The following TRPV1 variants were observed in gnomAD, a reference collection of about 807,000 sequenced individuals.
TRPV1 encodes transient receptor potential cation channel subfamily V member 1.
A neutral mutation model predicts 82.3 loss-of-function variants in TRPV1; 82 were observed. The observed-to-expected ratio is 1.00, with a 90% CI of 0.83 to 1.20. The LOEUF is 1.20. Ranked by LOEUF, TRPV1 falls within the 50% of genes most tolerant of loss-of-function variation. TRPV1 has a pLI of 0.00. For missense variants in TRPV1, 1,067 were observed against 1,096.8 expected (o/e 0.97, Z 0.38); for synonymous variants, 515 against 467.7 (o/e 1.10, Z -1.30).
In TRPV1 at chr17:3,577,154, G is replaced by T; in HGVS notation, c.1752C>A (p.Tyr584Ter). 6.3e-7 allele frequency: 1 copy of T among 1,588,606 alleles called. No individual in the cohort carries two copies. The highest frequency in any genetic ancestry group is 8.6e-7 in the Non-Finnish European group (1 of 1,167,880). The change falls in exon 13 of 17, where the codon TAC (tyrosine) becomes TAA (stop). Residue 584 changes from tyrosine to a stop codon, truncating the protein, a stop_gained. Transcript: ENST00000572705. LOFTEE classifies it high-confidence loss of function. ...LRDLCRFMFV[Y>*]IVFLFGFSTA... ...TGGAAAACCCGAACAAGAAGACGAT[G>T]TAGACAAACATGAAACGGCACAGGT...
At chr17:3,576,128 A>G (rs1369887989) in intron 13 of TRPV1, among the ~76,000 whole-genome samples, 1 of 151,940 alleles carries the variant, frequency 6.6e-6, no homozygotes, top group African/African-American at 2.4e-5. Flanking sequence ...AGGCTGAGGC[A>G]CAAGAATCAC....
chr17:3,600,728 T>G (rs1238303986), intron 2 of TRPV1, among the ~76,000 whole-genome samples: 2 of 152,212 alleles, frequency 1.3e-5, no homozygotes. Flanking sequence ...GCACAGTGCC[T>G]GCTCAGAGGC....
intron 8 of TRPV1, among the ~76,000 whole-genome samples, chr17:3,586,662 T>G (rs1213981156): frequency 1.3e-5 from 2 of 152,072 alleles, no homozygotes; most frequent in Non-Finnish European, 2.9e-5. Flanking sequence ...TCCCAGCTAC[T>G]TGGGAGGCTG....
intron 11 of TRPV1, chr17:3,578,691 A>G (rs2074966800): frequency 6.6e-6 from 1 of 152,222 alleles, no homozygotes; most frequent in Non-Finnish European, 1.5e-5. Flanking sequence ...AAAACAGAGG[A>G]AAAGAACCCA....
intron 11 of TRPV1, among the ~76,000 whole-genome samples, chr17:3,579,894 C>A (rs545934137): frequency 3.9e-5 from 6 of 152,276 alleles, no homozygotes; most frequent in African/African-American, 1.4e-4. Flanking sequence ...TTGGCCATAT[C>A]TGGAAATGTT....
intron 2 of TRPV1, among the ~76,000 whole-genome samples, chr17:3,603,984 T>G (rs905088314): frequency 1.3e-5 from 2 of 152,216 alleles, no homozygotes; most frequent in African/African-American, 4.8e-5. Context: ...GCACAGGCTC[T>G]CTCTTGACAC....
intron 2 of TRPV1, among the ~76,000 whole-genome samples, chr17:3,595,298 C>T (rs1000480863): frequency 2.0e-5 from 3 of 152,182 alleles, no homozygotes; most frequent in Admixed American, 6.5e-5. Flanking sequence ...GGCACGTCCC[C>T]GAGGTCACAC....
rs778498519 is a variant in TRPV1 at position 3,591,291 on chromosome 17, C to G, written c.347G>C (p.Arg116Thr). ...TEKTLRLYDR[R>T]SIFEAVAQNN... ...CTGAGCAACGGCTTCAAAGATACTC[C>G]TGCGATCATAGAGCCTGAGGGTCTT... is the stretch of plus-strand genomic sequence containing the variant. Residue 116 changes from arginine (R) to threonine (T), a missense_variant, in exon 4 of 17, where the codon AGG (arginine) becomes ACG (threonine). By Grantham distance (71) the Arg-to-Thr change is moderately conservative. Transcript: ENST00000572705. 6.2e-7 allele frequency: 1 copy of G among 1,612,922 alleles called. No individual in the cohort carries two copies. The highest frequency in any genetic ancestry group is 1.3e-5 in the African/African-American group (1 of 74,942).
chr17:3,605,040 G>T lies in TRPV1; in HGVS notation c.-34+3387C>A, dbSNP rs576334001. ...CACCAATTTGTCACACTCTGGACAT[G>T]ACGATCACTTTAATGTAAACACATT... On this transcript the variant is annotated intron_variant, in intron 2 of 16. Transcript: ENST00000572705. Among the ~76,000 whole-genome samples, 11 of 152,316 alleles carry T rather than the reference G, an allele frequency of 7.2e-5. No individual in the cohort carries two copies. In the East Asian group the frequency reaches 2.1e-3, roughly 29 times the overall value.
intron 16 of TRPV1, among the ~76,000 whole-genome samples, chr17:3,569,308 T>A (rs889218445): frequency 4.0e-5 from 6 of 151,508 alleles, no homozygotes; most frequent in African/African-American, 1.2e-4. Flanking sequence ...GCGCCTGTAG[T>A]CCCAGGTACT....
intron 9 of TRPV1, 87 bp from the exon 10 acceptor site, chr17:3,583,517 G>T: frequency 9.0e-7 from 1 of 1,106,462 alleles, no homozygotes; most frequent in Non-Finnish European, 1.3e-6. Context: ...CATAGTCCCT[G>T]CCCAGGAGGC....
intron 16 of TRPV1, among the ~76,000 whole-genome samples, chr17:3,568,859 C>T (rs756116261): frequency 6.6e-5 from 10 of 152,182 alleles, no homozygotes; most frequent in East Asian, 1.9e-4. Flanking sequence ...CTGGCCAACA[C>T]GGTGAAGCCC....
rs1390135658 is a variant in TRPV1 at position 3,588,341 on chromosome 17, C to G, written c.1071G>C (p.Glu357Asp). The change falls in exon 8 of 17, where the codon GAG (glutamate) becomes GAC (aspartate). Residue 357 changes from glutamate (E) to aspartate (D), a missense_variant. By Grantham distance (45) the Glu-to-Asp change is conservative (BLOSUM62 2). Transcript: ENST00000572705. Reference protein sequence around the residue: ...IGVLAYILQREIQEPECRHLS... With the variant: ...IGVLAYILQRDIQEPECRHLS... Reference sequence around the variant, plus strand: ...GGTGCCTGCACTCGGGCTCCTGGATCTCCCGCTGGAGAATATAGGCCAAGA... The same window carrying G: ...GGTGCCTGCACTCGGGCTCCTGGATGTCCCGCTGGAGAATATAGGCCAAGA... 4 of 1,561,824 alleles carry G rather than the reference C, an allele frequency of 2.6e-6. No individual in the cohort carries two copies. The highest frequency in any genetic ancestry group is 1.9e-5 in the Admixed American group (1 of 52,366).
intron 14 of TRPV1, 104 bp downstream of exon 14, chr17:3,573,529 A>ACCCCCCC: frequency 9.5e-5 from 2 of 20,996 alleles, no homozygotes; most frequent in Non-Finnish European, 1.1e-4. Context: ...CTGGCCACAC[A>ACCCCCCC]CCGCCCCCAC....
At chr17:3,594,127 CAAAAAAAAAAAA>C (rs57620622) in intron 2 of TRPV1, among the ~76,000 whole-genome samples, 2 of 46,482 alleles carry the variant, frequency 4.3e-5, no homozygotes, top group South Asian at 9.5e-4. Flanking sequence ...AACTCTGTCT[CAAAAAAAAAAAA>C]AAAAAAAAAA....
intron 2 of TRPV1, chr17:3,595,587 G>T (rs564432468): frequency 2.6e-5 from 4 of 152,376 alleles, no homozygotes; most frequent in Admixed American, 2.6e-4. Context: ...GGCTGTCCCA[G>T]GGATGTCTAT....
chr17:3,606,736 G>C (rs962916484), intron 2 of TRPV1, among the ~76,000 whole-genome samples: 3 of 152,140 alleles, frequency 2.0e-5, no homozygotes, highest in African/African-American at 7.2e-5. Flanking sequence ...TTGACAAACT[G>C]GGACCCTCCA....
chr17:3,607,071 G>A (rs1309675393), intron 2 of TRPV1, among the ~76,000 whole-genome samples: 1 of 152,192 alleles, frequency 6.6e-6, no homozygotes, highest in Non-Finnish European at 1.5e-5. Context: ...TAGCAGGCCA[G>A]GCATGGTGGC....
At chr17:3,608,913 A>T (rs1158044711) in intron 1 of TRPV1, 2 of 152,160 alleles carry the variant, frequency 1.3e-5, no homozygotes, top group Non-Finnish European at 2.9e-5. Context: ...TATTTATGAG[A>T]CAGAGTCTTG....
Sources: allele counts gnomAD v4.1 joint callset (sites outside exome capture counted in the v4.1 genomes callset), GRCh38; gene constraint gnomAD v4.1.1; transcripts MANE v1.5; gene names NCBI Gene and HGNC (gene_info 2026-07-23, HGNC 2026-07-21).